The following SARAF variants were observed in gnomAD, a reference collection of about 807,000 sequenced individuals.
SARAF encodes the protein store-operated calcium entry-associated regulatory factor.
A neutral mutation model predicts 39.7 loss-of-function variants in SARAF; 23 were observed. The ratio of observed to expected loss-of-function variants is 0.58; its 90% CI spans 0.42 to 0.82. The LOEUF (loss-of-function observed/expected upper bound fraction) is 0.82, where lower values mean the gene tolerates loss of function less well. Among genes scored for constraint, SARAF ranks in the 40% least tolerant of loss-of-function variants. The pLI, the probability that SARAF is intolerant of heterozygous loss-of-function variation, is 0.00. For missense variants in SARAF, 384 were observed against 418.5 expected, an observed-to-expected ratio of 0.92 and a Z score of 0.72; for synonymous variants, 175 against 168.5, an observed-to-expected ratio of 1.04 and a Z score of -0.30.
At position 30,082,835 on chromosome 8, in the gene SARAF, G is replaced by C; in HGVS notation, c.103+12C>G. ...GGCGAACGAAGCGCCTGAGGGCCCT[G>C]GCAGCACTCACCAGGGTCGTTCCAG... is the stretch of plus-strand genomic sequence containing the variant. On this transcript the variant is annotated intron_variant, in intron 1 of 5. Coordinates refer to ENST00000256255, the MANE Select transcript of SARAF (RefSeq NM_016127.6). The C allele has an allele frequency of 6.9e-7, 1 of 1,457,704 alleles. No individual in the cohort carries two copies. The highest frequency in any genetic ancestry group is 2.7e-5 in the East Asian group (1 of 37,394). 90.3% of individuals were successfully genotyped at this position (1,457,704 alleles called of 1,614,324 possible).
intron 5 of SARAF, among the ~76,000 whole-genome samples, chr8:30,064,324 A>G (rs1480153007): frequency 6.6e-6 from 1 of 150,524 alleles, no homozygotes; most frequent in East Asian, 2.0e-4. Context: ...CTTAAACGTT[A>G]CTTAAGACAC....
intron 1 of SARAF, among the ~76,000 whole-genome samples, chr8:30,078,661 A>G (rs1049904611): frequency 1.3e-5 from 2 of 152,224 alleles, no homozygotes; most frequent in Admixed American, 6.5e-5. Context: ...CAAGTATTTA[A>G]TATGAATCTA....
At chr8:30,073,141 C>T (rs1801882678) in intron 2 of SARAF, among the ~76,000 whole-genome samples, 1 of 152,134 alleles carries the variant, frequency 6.6e-6, no homozygotes, top group South Asian at 2.1e-4. Context: ...TTGCAAAGAC[C>T]ACGCATAAAG....
intron 5 of SARAF, among the ~76,000 whole-genome samples, chr8:30,065,546 T>A (rs970922524): frequency 6.6e-6 from 1 of 152,096 alleles, no homozygotes; most frequent in African/African-American, 2.4e-5. Context: ...TATTCCTTTG[T>A]TTTTTTTGTA....
chr8:30,080,227 C>G (rs1219454180), intron 1 of SARAF, among the ~76,000 whole-genome samples: 1 of 152,230 alleles, frequency 6.6e-6, no homozygotes, highest in Non-Finnish European at 1.5e-5. Flanking sequence ...ACTCTAAGAA[C>G]TTACTGTACA....
At chr8:30,069,515 AAAAAACAAAATGAG>A (rs1436508837) in intron 3 of SARAF, 113 bp downstream of exon 3, 1 of 1,021,278 alleles carries the variant, frequency 9.8e-7, no homozygotes, top group Admixed American at 2.3e-5. Context: ...AGTTGAAAGT[AAAAAACAAAATGAG>A]AAGACAAACC....
intron 2 of SARAF, among the ~76,000 whole-genome samples, chr8:30,070,865 C>T (rs182190438): frequency 2.0e-5 from 3 of 152,242 alleles, no homozygotes; most frequent in African/African-American, 4.8e-5. Flanking sequence ...AAACCATGGA[C>T]TAACTTTCCA....
At chr8:30,071,647 C>G (rs900147262) in intron 2 of SARAF, among the ~76,000 whole-genome samples, 2 of 152,204 alleles carry the variant, frequency 1.3e-5, no homozygotes, top group African/African-American at 4.8e-5. Context: ...CACCTCCCAA[C>G]CAACTTTCTG....
chr8:30,070,177 A>C, intron 2 of SARAF, 118 bp from the exon 3 acceptor site: 1 of 879,676 alleles, frequency 1.1e-6, no homozygotes, highest in Admixed American at 2.5e-5. Flanking sequence ...TCGGAGGCCA[A>C]GGCGGGTGGA....
chr8:30,076,713 C>T (rs1028588484), intron 1 of SARAF, among the ~76,000 whole-genome samples: 8 of 152,142 alleles, frequency 5.3e-5, no homozygotes, highest in African/African-American at 1.7e-4. Flanking sequence ...GGTTAGTTAT[C>T]GCAGGAGTGG....
At chr8:30,077,541 T>C (rs539064692) in intron 1 of SARAF, among the ~76,000 whole-genome samples, 1 of 152,224 alleles carries the variant, frequency 6.6e-6, no homozygotes, top group South Asian at 2.1e-4. Flanking sequence ...TGGTGGCTCA[T>C]GCCTGTAATC....
At position 30,064,561 on chromosome 8, in the gene SARAF, A is replaced by ATTTTTTTTTT. The variant is rs869277681; in HGVS notation, c.995-658_995-649dup. On this transcript the variant is annotated intron_variant, in intron 5 of 5. Transcript: ENST00000256255. ...TATATATATATATATATATATATAT[A>ATTTTTTTTTT]TTTTTTTTTTTTTTTTTTGAGACAG... Among the ~76,000 whole-genome samples, 103 of 46,212 alleles carry ATTTTTTTTTT rather than the reference A, an allele frequency of 2.2e-3. 3 individuals carry two copies. Among genetic ancestry groups the ATTTTTTTTTT allele is most frequent in the African/African-American group, 9.4e-3 (84 of 8,912 alleles). The allele number at this position is 46,212 out of a possible 152,430, so 30.3% of individuals were successfully genotyped here.
chr8:30,071,197 T>C (rs1801832894), intron 2 of SARAF, among the ~76,000 whole-genome samples: 1 of 151,868 alleles, frequency 6.6e-6, no homozygotes, highest in East Asian at 1.9e-4. Flanking sequence ...AAAAATGAGG[T>C]GGGCATGGTG....
chr8:30,069,061 GA>G (rs1255258010), intron 3 of SARAF, among the ~76,000 whole-genome samples: 6 of 151,742 alleles, frequency 4.0e-5, no homozygotes, highest in African/African-American at 1.2e-4. Flanking sequence ...TGTGAGACAG[GA>G]GTCAGGGCAA....
At chr8:30,082,430 T>C (rs1230572046) in intron 1 of SARAF, 1 of 161,926 alleles carries the variant, frequency 6.2e-6, no homozygotes, top group Non-Finnish European at 1.3e-5. Context: ...AGACTGCCAG[T>C]GGCAGGCAAC....
intron 2 of SARAF, 163 bp downstream of exon 2, chr8:30,073,714 T>G (rs1801895510): frequency 1.8e-6 from 1 of 550,178 alleles, no homozygotes; most frequent in Admixed American, 3.5e-5. Context: ...TCATTTCTTT[T>G]GGAGGCCATT....
Position 30,063,804 on chromosome 8 carries a change from T to C in SARAF, c.*84A>G. 8.6e-7 allele frequency: 1 copy of C among 1,167,532 alleles called. No individual in the cohort carries two copies. The highest frequency in any genetic ancestry group is 1.2e-5 in the South Asian group (1 of 81,542). 72.3% of individuals were successfully genotyped at this position (1,167,532 alleles called of 1,614,324 possible). The stretch of plus-strand genomic sequence containing the variant: ...TTGAATATCCCCTTTTCCCAATTGT[T>C]AACAGGTAGTACTTTTTTTCTAAAG... On this transcript the variant is annotated 3_prime_UTR_variant, in exon 6 of 6. Coordinates refer to ENST00000256255, the MANE Select transcript of SARAF (RefSeq NM_016127.6).
intron 1 of SARAF, 171 bp downstream of exon 1, chr8:30,082,676 T>A: frequency 3.8e-6 from 2 of 530,824 alleles, no homozygotes; most frequent in Non-Finnish European, 3.3e-6. Context: ...CCAAGACGCC[T>A]GGGAAGAGCA....
chr8:30,065,249 C>T (rs1465108255), intron 5 of SARAF, among the ~76,000 whole-genome samples: 3 of 152,034 alleles, frequency 2.0e-5, no homozygotes, highest in African/African-American at 2.4e-5. Flanking sequence ...ATTTCTGTGG[C>T]GATATATCTG....
Sources: gnomAD v4.1 joint callset for allele counts (sites outside exome capture counted in the v4.1 genomes callset) on GRCh38, gnomAD v4.1.1 for gene constraint, MANE v1.5 for transcripts, NCBI Gene and HGNC (gene_info 2026-07-23, HGNC 2026-07-21) for gene names.